Variants in TEX11 observed in about 807,000 individuals in gnomAD.
The protein encoded by TEX11 is testis expressed 11.
A neutral mutation model predicts 84.4 loss-of-function variants in TEX11; 7 were observed. The ratio of observed to expected loss-of-function variants is 0.08; its 90% CI spans 0.05 to 0.16. TEX11 has a LOEUF of 0.16. TEX11 is among the 10% of genes least tolerant of loss of function. The pLI is 1.00. For missense variants in TEX11, 551 were observed against 660.5 expected (o/e 0.83, Z 1.82); for synonymous variants, 264 against 222.8 (o/e 1.18, Z -1.64).
At chrX:70,799,601 T>C (rs948450249) in intron 9 of TEX11, among the ~76,000 whole-genome samples, 5 of 112,442 alleles carry the variant, frequency 4.4e-5, no homozygotes, top group African/African-American at 1.6e-4. Flanking sequence ...CTGCTTTTGC[T>C]TTGACTAGAC....
At chrX:70,772,421 A>C in intron 9 of TEX11, among the ~76,000 whole-genome samples, 1 of 110,517 alleles carries the variant, frequency 9.0e-6, no homozygotes, top group Middle Eastern at 4.7e-3. Context: ...CAAAAATTTA[A>C]AAATTAGTCA....
chrX:70,826,569 T>C (rs756586342), intron 8 of TEX11, among the ~76,000 whole-genome samples: 1 of 111,931 alleles, frequency 8.9e-6, no homozygotes, highest in Non-Finnish European at 1.9e-5. Flanking sequence ...GCAGCAGCTA[T>C]GCAGTGCAGA....
chrX:70,719,646 T>A (rs1054298474), intron 13 of TEX11, among the ~76,000 whole-genome samples: 16 of 111,698 alleles, frequency 1.4e-4, no homozygotes, highest in South Asian at 3.7e-4. Flanking sequence ...ATATCCAGAA[T>A]CTACAAAGAA....
intron 24 of TEX11, among the ~76,000 whole-genome samples, chrX:70,592,233 A>G (rs1018483877): frequency 9.0e-6 from 1 of 111,220 alleles, no homozygotes; most frequent in African/African-American, 3.3e-5. Context: ...CATTTATTCC[A>G]GGAAATCTAC....
At chrX:70,587,476 C>G (rs531431348) in intron 25 of TEX11, among the ~76,000 whole-genome samples, 3 of 112,722 alleles carry the variant, frequency 2.7e-5, no homozygotes, top group African/African-American at 9.7e-5. Flanking sequence ...GGTGCAAGCC[C>G]CAAGCCTTGG....
intron 20 of TEX11, among the ~76,000 whole-genome samples, chrX:70,618,355 A>G (rs2089343139): frequency 9.0e-6 from 1 of 111,500 alleles, no homozygotes; most frequent in African/African-American, 3.3e-5. Flanking sequence ...CAACAAGTGG[A>G]TATCTCTGTG....
intron 13 of TEX11, among the ~76,000 whole-genome samples, chrX:70,700,623 A>G (rs1268200225): frequency 9.0e-6 from 1 of 110,860 alleles, no homozygotes; most frequent in Non-Finnish European, 1.9e-5. Flanking sequence ...TAACCCTACA[A>G]TGGCCTCTAA....
intron 9 of TEX11, among the ~76,000 whole-genome samples, chrX:70,785,941 G>A (rs1431258950): frequency 1.8e-5 from 2 of 111,754 alleles, no homozygotes; most frequent in Non-Finnish European, 3.8e-5. Context: ...ACTAGAAATA[G>A]CATTTGACCC....
chrX:70,559,003 T>G (rs2088326422), intron 25 of TEX11, among the ~76,000 whole-genome samples: 1 of 112,098 alleles, frequency 8.9e-6, no homozygotes, highest in African/African-American at 3.2e-5. Context: ...TGAAAAACAC[T>G]CTGGCAGTTC....
chrX:70,893,116 C>T (rs2091747869), intron 2 of TEX11, among the ~76,000 whole-genome samples: 2 of 110,732 alleles, frequency 1.8e-5, no homozygotes, highest in African/African-American at 6.6e-5. Flanking sequence ...ACTTCAACAC[C>T]CCACTGTCAA....
intron 25 of TEX11, among the ~76,000 whole-genome samples, chrX:70,571,258 A>T (rs2088593755): frequency 8.9e-6 from 1 of 112,067 alleles, no homozygotes; most frequent in African/African-American, 3.2e-5. Context: ...ACCTCAGGTG[A>T]TCTGCCCGCC....
intron 28 of TEX11, among the ~76,000 whole-genome samples, chrX:70,532,666 G>A (rs1043742369): frequency 8.9e-6 from 1 of 111,959 alleles, no homozygotes; most frequent in Non-Finnish European, 1.9e-5. Context: ...CCCAGGAGGC[G>A]GAGGTTGTGG....
chrX:70,645,810 C>T lies in TEX11; in HGVS notation c.1483+5640G>A, dbSNP rs763213481. ...GAAATGGAAAGATATCCCAGGTTCA[C>T]GGATTGGAAAAATATTGTTAAATGT... On this transcript the variant is annotated intron_variant, in intron 17 of 29. Coordinates refer to ENST00000374333, the MANE Select transcript of TEX11 (RefSeq NM_031276.3). 1.8e-3 allele frequency among the ~76,000 whole-genome samples: 196 copies of T among 110,776 alleles called. 2 individuals are homozygous for T. The highest frequency in any genetic ancestry group is 6.0e-3 in the African/African-American group (185 of 30,607).
chrX:70,820,080 T>A (rs2091310967), intron 8 of TEX11, among the ~76,000 whole-genome samples: 1 of 111,976 alleles, frequency 8.9e-6, no homozygotes, highest in Non-Finnish European at 1.9e-5. Context: ...AAAATTCATA[T>A]AAAATCATAA....
chrX:70,762,361 G>C (rs2090913956), intron 9 of TEX11, among the ~76,000 whole-genome samples: 1 of 111,590 alleles, frequency 9.0e-6, no homozygotes, highest in Admixed American at 9.5e-5. Flanking sequence ...AACTTTTCAA[G>C]ACACAGACAG....
At chrX:70,675,117 G>T (rs2090059404) in intron 15 of TEX11, among the ~76,000 whole-genome samples, 1 of 110,489 alleles carries the variant, frequency 9.1e-6, no homozygotes, top group African/African-American at 3.3e-5. Context: ...ACTTTTACAG[G>T]TTATAAACTG....
At chrX:70,856,110 T>C (rs1247102374) in intron 5 of TEX11, among the ~76,000 whole-genome samples, 2 of 111,976 alleles carry the variant, frequency 1.8e-5, no homozygotes, top group Non-Finnish European at 3.8e-5. Context: ...AGGCAATTCA[T>C]TGCAGCATCC....
intron 9 of TEX11, among the ~76,000 whole-genome samples, chrX:70,774,361 A>G (rs1392878017): frequency 3.6e-5 from 4 of 110,627 alleles, no homozygotes; most frequent in Non-Finnish European, 7.6e-5. Flanking sequence ...TCAAAATAGT[A>G]CTGGAAGTTG....
rs747562165 is a variant in TEX11 at position 70,552,194 on chromosome X, C to T, written c.2452G>A (p.Val818Ile). The change falls in exon 28 of 30, where the codon GTA becomes ATA. Residue 818 changes from valine (V) to isoleucine (I), a missense_variant. Coordinates refer to ENST00000374333, the MANE Select transcript of TEX11 (RefSeq NM_031276.3). ...NLSVPDGASN[V>I]ELCPLEEVWG... ...ACTTCTTCCAGGGGACAGAGCTCTACATTCGACGCCCCATCTGGCACTGAG... is the reference window on the plus strand; with the variant it reads ...ACTTCTTCCAGGGGACAGAGCTCTATATTCGACGCCCCATCTGGCACTGAG... 1.7e-6 allele frequency: 2 copies of T among 1,211,387 alleles called. No individual in the cohort carries two copies. The highest frequency in any genetic ancestry group is 3.5e-5 in the African/African-American group (2 of 57,866).
Sources: allele counts gnomAD v4.1 joint callset (sites outside exome capture counted in the v4.1 genomes callset), GRCh38; gene constraint gnomAD v4.1.1; transcripts MANE v1.5; gene names NCBI Gene and HGNC (gene_info 2026-07-23, HGNC 2026-07-21).